RUNX1T1: variants seen among roughly 807,000 people sequenced by gnomAD.
RUNX1T1 encodes protein CBFA2T1.
Under a neutral mutation model 62.8 loss-of-function variants are expected in RUNX1T1, and 4 were observed. The observed-to-expected ratio is 0.06, with a 90% CI of 0.03 to 0.15. The LOEUF is 0.15. Among genes scored for constraint, RUNX1T1 ranks in the 10% least tolerant of loss-of-function variants. The pLI, the probability that RUNX1T1 is intolerant of heterozygous loss-of-function variation, is 1.00. For synonymous variants in RUNX1T1, 291 were observed against 286.0 expected, an observed-to-expected ratio of 1.02 and a Z score of -0.18; for missense variants, 508 against 754.3, an observed-to-expected ratio of 0.67 and a Z score of 3.82.
At chr8:92,102,428 A>G (rs569442816), upstream of RUNX1T1, among the ~76,000 whole-genome samples, 1 of 151,798 alleles carries the variant, frequency 6.6e-6, no homozygotes, top group South Asian at 2.1e-4. This position sits in a 1 kb window ranked among gnomAD's most constrained non-coding sequence, Gnocchi z 4.5. Context: ...GAAAAGAAAA[A>G]AAAAAAAAAG....
intron 1 of RUNX1T1, among the ~76,000 whole-genome samples, chr8:92,051,733 G>T (rs146442547): frequency 6.6e-6 from 1 of 152,156 alleles, no homozygotes; most frequent in East Asian, 1.9e-4. Context: ...CTGAAAGAGA[G>T]GATGCCTCAA....
At chr8:92,086,329 T>C (rs1251519358) in intron 1 of RUNX1T1, among the ~76,000 whole-genome samples, 1 of 152,232 alleles carries the variant, frequency 6.6e-6, no homozygotes, top group Non-Finnish European at 1.5e-5. Context: ...CAGGCTGCAC[T>C]GGTCAAATGA....
At chr8:92,024,028 A>T (rs1824635962) in intron 1 of RUNX1T1, among the ~76,000 whole-genome samples, 1 of 152,212 alleles carries the variant, frequency 6.6e-6, no homozygotes, top group African/African-American at 2.4e-5. Context: ...GTAATGAGAG[A>T]TTATCATGGT....
downstream of RUNX1T1, chr8:91,958,728 C>CAAAAAA (rs34044770): frequency 6.2e-5 from 8 of 128,946 alleles, no homozygotes; most frequent in Non-Finnish European, 9.5e-5. Flanking sequence ...AGAATTTGCT[C>CAAAAAA]AAAAAAAAAA....
intron 1 of RUNX1T1, among the ~76,000 whole-genome samples, chr8:92,089,801 G>A (rs2130889207): frequency 6.6e-6 from 1 of 151,822 alleles, no homozygotes; most frequent in African/African-American, 2.4e-5. Flanking sequence ...GGAAAGAATG[G>A]CTCCCTAGTC....
chr8:91,986,839 G>T, intron 7 of RUNX1T1, 48 bp downstream of exon 8: 1 of 1,230,352 alleles, frequency 8.1e-7, no homozygotes, highest in Non-Finnish European at 1.2e-6. Context: ...CCTCACTCCA[G>T]TTGTTTTCCA....
intron 5 of RUNX1T1, among the ~76,000 whole-genome samples, chr8:91,997,330 C>A (rs546187474): frequency 6.6e-6 from 1 of 151,402 alleles, no homozygotes; most frequent in Non-Finnish European, 1.5e-5. Context: ...ATGGCAGAAG[C>A]GGGTGTAAGT....
At chr8:92,034,697 T>TATATATACACATATATATACACAC (rs1563809669) in intron 1 of RUNX1T1, among the ~76,000 whole-genome samples, 6 of 100,412 alleles carry the variant, frequency 6.0e-5, no homozygotes, top group Non-Finnish European at 8.6e-5. Context: ...TGTGTATACA[T>TATATATACACATATATATACACAC]GTATACATAT....
chr8:92,055,621 A>G (rs769928064), intron 1 of RUNX1T1, among the ~76,000 whole-genome samples: 12 of 152,172 alleles, frequency 7.9e-5, no homozygotes, highest in Non-Finnish European at 1.8e-4. Flanking sequence ...CTTTATGTTT[A>G]GCAAGCAAAC....
At chr8:92,101,685 A>G (rs1446555471), upstream of RUNX1T1, among the ~76,000 whole-genome samples, 13 of 152,310 alleles carry the variant, frequency 8.5e-5, no homozygotes, top group Admixed American at 7.8e-4. Flanking sequence ...GTTGTGGCTC[A>G]CATCCTACTT....
chr8:92,000,135 G>A (rs997263014), intron 5 of RUNX1T1, among the ~76,000 whole-genome samples: 1 of 151,924 alleles, frequency 6.6e-6, no homozygotes, highest in Non-Finnish European at 1.5e-5. Flanking sequence ...GTGAAACCCC[G>A]TCTCTGGTAA....
intron 5 of RUNX1T1, chr8:92,003,206 T>C (rs1054274106): frequency 8.1e-6 from 3 of 371,676 alleles, no homozygotes; most frequent in African/African-American, 4.2e-5. Context: ...CACTGATGCA[T>C]GCACAGCGAC....
chr8:92,072,201 AATG>A (rs1241162650), intron 2 of RUNX1T1, among the ~76,000 whole-genome samples: 1 of 152,204 alleles, frequency 6.6e-6, no homozygotes, highest in Non-Finnish European at 1.5e-5. Context: ...CCAAGAAATA[AATG>A]ATTTTGATAG....
intron 4 of RUNX1T1, among the ~76,000 whole-genome samples, chr8:92,007,900 C>A (rs554046449): frequency 7.0e-6 from 1 of 143,774 alleles, no homozygotes; most frequent in East Asian, 2.1e-4. Context: ...CCCAAGAGGT[C>A]GAGGCTCCAA....
At chr8:92,007,137 C>T (rs1174079300) in intron 4 of RUNX1T1, among the ~76,000 whole-genome samples, 1 of 152,092 alleles carries the variant, frequency 6.6e-6, no homozygotes, top group Admixed American at 6.6e-5. Flanking sequence ...GCAAAAATAA[C>T]ATTTCTATGT....
At chr8:91,990,095 T>A (rs1227274821) in intron 6 of RUNX1T1, among the ~76,000 whole-genome samples, 1 of 152,198 alleles carries the variant, frequency 6.6e-6, no homozygotes, top group Admixed American at 6.5e-5. Flanking sequence ...GCCCTACACG[T>A]GGAGCCCCTG....
chr8:92,074,852 A>T (rs1053180374), intron 2 of RUNX1T1, among the ~76,000 whole-genome samples: 5 of 152,186 alleles, frequency 3.3e-5, no homozygotes, highest in African/African-American at 1.2e-4. Flanking sequence ...ATGAAGAAGG[A>T]GGAATGAAAA....
At chr8:92,002,588 T>C (rs558564987) in intron 5 of RUNX1T1, among the ~76,000 whole-genome samples, 6 of 152,254 alleles carry the variant, frequency 3.9e-5, no homozygotes, top group Admixed American at 1.3e-4. Context: ...GTTCATGACA[T>C]GTCATGAACA....
At chr8:91,974,157 G>A (rs1443558) in intron 9 of RUNX1T1, among the ~76,000 whole-genome samples, 106,770 of 151,850 alleles carry the variant, frequency 0.7, 39,170 homozygotes, top group East Asian at 0.99. Context: ...AAAAATAATA[G>A]TGGAGTCAAT....
Sources: allele counts gnomAD v4.1 joint callset (sites outside exome capture counted in the v4.1 genomes callset), GRCh38; gene constraint gnomAD v4.1.1; non-coding constraint Gnocchi (gnomAD v3.1); transcripts MANE v1.5; gene names NCBI Gene and HGNC (gene_info 2026-07-23, HGNC 2026-07-21).